CCDC18: variants seen among roughly 807,000 people sequenced by gnomAD.
CCDC18 encodes the protein coiled-coil domain containing 18.
In CCDC18, 157 loss-of-function variants were observed where a neutral mutation model predicts 196.0. That is an observed-to-expected ratio of 0.80 (90% CI 0.70 to 0.91). The LOEUF (loss-of-function observed/expected upper bound fraction) is 0.91. Among genes scored for constraint, CCDC18 ranks in the 40% least tolerant of loss-of-function variants. CCDC18 has a pLI of 0.00. For missense variants in CCDC18, 1,465 were observed against 1,611.6 expected (o/e 0.91, Z 1.56); for synonymous variants, 482 against 529.2 (o/e 0.91, Z 1.22).
At position 93,264,789 on chromosome 1, in the gene CCDC18, A is replaced by C; in HGVS notation, c.3773A>C (p.Glu1258Ala). ...GTTCAGCAACTAAACGAACAGTTAG[A>C]GAAGGCAAAATTGGAATTAGAAGAA... ...SSVQQLNEQL[E>A]KAKLELEEAQ... Residue 1258 changes from glutamate (E) to alanine (A), a missense_variant, in exon 27 of 29, where the codon GAG becomes GCG. Coordinates refer to ENST00000690025, the MANE Select transcript of CCDC18 (RefSeq NM_001378204.1). 6.2e-7 allele frequency: 1 copy of C among 1,613,428 alleles called. No homozygotes were observed. Among genetic ancestry groups the C allele is most frequent in the Non-Finnish European group, 8.5e-7 (1 of 1,179,496 alleles).
intron 6 of CCDC18, among the ~76,000 whole-genome samples, chr1:93,198,003 G>A (rs1310733000): frequency 1.3e-5 from 2 of 151,792 alleles, no homozygotes; most frequent in Non-Finnish European, 2.9e-5. Context: ...CGCCCGCCTT[G>A]GCCTCCCAAA....
At chr1:93,189,950 C>T (rs192401025) in intron 4 of CCDC18, among the ~76,000 whole-genome samples, 12 of 152,260 alleles carry the variant, frequency 7.9e-5, no homozygotes, top group East Asian at 1.9e-4. Context: ...ATTGAGCTAC[C>T]GCGCCTGGCC....
At chr1:93,272,953 G>A (rs1665405848) in intron 28 of CCDC18, among the ~76,000 whole-genome samples, 1 of 110,110 alleles carries the variant, frequency 9.1e-6, no homozygotes, top group African/African-American at 6.2e-5. Context: ...GTTGGTCTTG[G>A]ATAAAAAGGG....
chr1:93,224,811 A>G (rs1658030976), intron 16 of CCDC18, among the ~76,000 whole-genome samples: 1 of 152,242 alleles, frequency 6.6e-6, no homozygotes, highest in Admixed American at 6.5e-5. Context: ...TTAGGTAGTG[A>G]TATTCTGACA....
chr1:93,256,669 C>T (rs1281506466), intron 25 of CCDC18, 131 bp downstream of exon 25: 36 of 719,616 alleles, frequency 5.0e-5, no homozygotes, highest in Non-Finnish European at 7.6e-5. Context: ...TTAATCCCAC[C>T]GAATTATACA....
At chr1:93,205,752 C>T (rs1190524209) in intron 8 of CCDC18, 121 bp downstream of exon 8, 10 of 885,562 alleles carry the variant, frequency 1.1e-5, no homozygotes, top group Non-Finnish European at 1.6e-5. Flanking sequence ...GGATAGGCTT[C>T]ATGACTGAAA....
intron 4 of CCDC18, among the ~76,000 whole-genome samples, chr1:93,188,380 T>G (rs537076626): frequency 7.2e-5 from 11 of 152,340 alleles, no homozygotes; most frequent in East Asian, 3.9e-4. Flanking sequence ...CTCTTTGGTG[T>G]TGTTCTAGGT....
chr1:93,217,213 C>T (rs564708242), intron 13 of CCDC18, among the ~76,000 whole-genome samples: 20 of 152,210 alleles, frequency 1.3e-4, no homozygotes, highest in Admixed American at 2.0e-4. Flanking sequence ...GGATTACAGG[C>T]GTGAGCCACC....
Position 93,183,493 on chromosome 1 carries a change from C to A in CCDC18, c.132C>A (p.Ser44=). Residue 44 remains serine (S), a splice_region_variant and synonymous_variant, in exon 2 of 29, where the codon TCC becomes TCA. Coordinates refer to ENST00000690025, the MANE Select transcript of CCDC18 (RefSeq NM_001378204.1). ...WSLQSLGEEL[S]SVSPSENSDY... ...TGCAGAGTTTAGGGGAAGAGTTATC[C>A]AGGTAAGTAAGTAAAATCACATATA... The A allele has an allele frequency of 1.3e-6, 2 of 1,580,002 alleles. No individual in the cohort carries two copies. The highest frequency in any genetic ancestry group is 1.7e-6 in the Non-Finnish European group (2 of 1,164,494).
chr1:93,261,182 G>T (rs1420299866), intron 26 of CCDC18, among the ~76,000 whole-genome samples: 1 of 151,998 alleles, frequency 6.6e-6, no homozygotes, highest in Non-Finnish European at 1.5e-5. Flanking sequence ...GAGATCAACA[G>T]TATTTTTTAA....
At chr1:93,180,974 T>C in intron 1 of CCDC18, 122 bp downstream of exon 1, 1 of 949,976 alleles carries the variant, frequency 1.1e-6, no homozygotes. Context: ...CTGGGACTGG[T>C]CCTCGTGGTT....
At position 93,264,699 on chromosome 1, in the gene CCDC18, A is replaced by AGAT; in HGVS notation, c.3687_3689dup. 6.3e-7 allele frequency: 1 copy of AGAT among 1,592,700 alleles called. No individual in the cohort carries two copies. The highest frequency in any genetic ancestry group is 8.6e-7 in the Non-Finnish European group (1 of 1,162,978). ...TTCTTTTCCAATTCTGGGGCTATAT[A>AGAT]GATGATTTCACATCAAGAGAACCAT... On this transcript the variant is annotated splice_acceptor_variant, in intron 26 of 28. Transcript: ENST00000690025. LOFTEE classifies it high-confidence loss of function.
In CCDC18 at chr1:93,180,844, A is replaced by G; in HGVS notation, c.-11A>G. Reference sequence around the variant, plus strand: ...ACGCAGACTCGAGTGCGAAGCGCGCAGTCGCCGGGTGGGTCTCTCCCCAGC... The same window carrying G: ...ACGCAGACTCGAGTGCGAAGCGCGCGGTCGCCGGGTGGGTCTCTCCCCAGC... On this transcript the variant is annotated 5_prime_UTR_variant, in exon 1 of 29. Transcript: ENST00000690025. 7.3e-7 allele frequency: 1 copy of G among 1,367,628 alleles called. No homozygotes were observed. The highest frequency in any genetic ancestry group is 1.1e-5 in the South Asian group (1 of 88,052). 84.7% of individuals were successfully genotyped at this position (1,367,628 alleles called of 1,614,324 possible). A position where few individuals can be genotyped will look rare whatever the true frequency, so the allele number is the denominator to read the frequency against.
intron 17 of CCDC18, among the ~76,000 whole-genome samples, chr1:93,230,759 T>C (rs1216951078): frequency 6.6e-6 from 1 of 152,168 alleles, no homozygotes; most frequent in African/African-American, 2.4e-5. Context: ...TTTTTTTCTC[T>C]GAATAGGTAA....
chr1:93,214,781 A>G lies in CCDC18; in HGVS notation c.1534A>G (p.Lys512Glu), dbSNP rs1197546438. The G allele has an allele frequency of 2.5e-6, 4 of 1,612,666 alleles. No individual in the cohort carries two copies. The highest frequency in any genetic ancestry group is 3.3e-5 in the Admixed American group (2 of 59,994). Residue 512 changes from lysine to glutamate, a missense_variant, in exon 12 of 29, where the codon AAG becomes GAG. Coordinates refer to ENST00000690025, the MANE Select transcript of CCDC18 (RefSeq NM_001378204.1). ...AGATCAAAATCAACATACTATGAAC[A>G]AGCAATATGAAAAAGAGAGGCAAAG... ...VKDQNQHTMN[K>E]QYEKERQRLV...
At chr1:93,182,228 A>G (rs947277419) in intron 1 of CCDC18, among the ~76,000 whole-genome samples, 1 of 152,208 alleles carries the variant, frequency 6.6e-6, no homozygotes, top group Non-Finnish European at 1.5e-5. Context: ...CTTTCTTTCC[A>G]TAAGGTGGGA....
intron 28 of CCDC18, among the ~76,000 whole-genome samples, chr1:93,272,780 G>C (rs573425268): frequency 1.3e-5 from 2 of 152,204 alleles, no homozygotes; most frequent in Non-Finnish European, 2.9e-5. Flanking sequence ...GTGATGTCAA[G>C]GGAGAGTTTT....
At chr1:93,249,721 A>G (rs115615989) in intron 23 of CCDC18, among the ~76,000 whole-genome samples, 1,529 of 152,322 alleles carry the variant, frequency 0.01, 13 homozygotes, top group Middle Eastern at 0.041. Flanking sequence ...AATCCTATCA[A>G]ATATATTCTC....
chr1:93,227,334 A>AT (rs1159846377), intron 17 of CCDC18, among the ~76,000 whole-genome samples: 129 of 137,656 alleles, frequency 9.4e-4, no homozygotes, highest in East Asian at 3.0e-3. Flanking sequence ...AATTTTTTGT[A>AT]TTTTTTTTTT....
Sources: allele counts gnomAD v4.1 joint callset (sites outside exome capture counted in the v4.1 genomes callset), GRCh38; gene constraint gnomAD v4.1.1; transcripts MANE v1.5; gene names NCBI Gene and HGNC (gene_info 2026-07-23, HGNC 2026-07-21).